CD300LD: variants seen among roughly 807,000 people sequenced by gnomAD.
CD300LD encodes the protein CMRF35-like molecule 5.
In CD300LD, 18 loss-of-function variants were observed where a neutral mutation model predicts 20.3. The ratio of observed to expected loss-of-function variants is 0.89; its 90% confidence interval spans 0.61 to 1.32. The LOEUF is 1.32. CD300LD is among the 40% of genes most tolerant of loss of function. The pLI, the probability that CD300LD is intolerant of heterozygous loss-of-function variation, is 0.00. For synonymous variants in CD300LD, 104 were observed against 90.1 expected, an observed-to-expected ratio of 1.15 and a Z score of -0.87; for missense variants, 195 against 226.6, an observed-to-expected ratio of 0.86 and a Z score of 0.90.
chr17:74,580,002 TC>T lies in CD300LD; in HGVS notation c.584del (p.Ter195=). ...CATCATCGGGCTGACTCCTCCTCCTTCAAGACCTTCTTTGTGGTCTGTTTAC... is the reference window on the plus strand; with the variant it reads ...CATCATCGGGCTGACTCCTCCTCCTTAAGACCTTCTTTGTGGTCTGTTTAC... ...LWVNRPQRRS[*>X] On this transcript the variant is annotated frameshift_variant and stop_lost, in exon 4 of 4. Coordinates refer to ENST00000375352, the MANE Select transcript of CD300LD (RefSeq NM_001115152.2). LOFTEE classifies it high-confidence loss of function. The T allele has an allele frequency of 6.2e-7, 1 of 1,605,478 alleles. No individual in the cohort carries two copies.
rs746228815 is a variant in CD300LD at position 74,592,061 on chromosome 17, G to T, written c.40+102C>A. 5.6e-6 allele frequency: 9 copies of T among 1,608,780 alleles called. No individual in the cohort carries two copies. The African/African-American group carries it at 8.0e-5, about 14-fold the overall frequency. ...TATGGGCATGGATGGATGAATTGGCGCTGTCATTTTCCCTGACATGTCTCC... is the reference window on the plus strand; with the variant it reads ...TATGGGCATGGATGGATGAATTGGCTCTGTCATTTTCCCTGACATGTCTCC... On this transcript the variant is annotated intron_variant, in intron 1 of 3. Coordinates refer to ENST00000375352, the MANE Select transcript of CD300LD (RefSeq NM_001115152.2).
intron 1 of CD300LD, among the ~76,000 whole-genome samples, chr17:74,591,809 C>T (rs1327169753): frequency 1.3e-5 from 1 of 78,444 alleles, no homozygotes. Context: ...CAGAGCGAGA[C>T]ACCAGCTCAA....
chr17:74,589,870 G>A (rs1032902899), intron 1 of CD300LD, among the ~76,000 whole-genome samples: 1 of 152,208 alleles, frequency 6.6e-6, no homozygotes, highest in African/African-American at 2.4e-5. Context: ...AATTCCTGTG[G>A]CAGGAGAGAG....
At chr17:74,586,347 G>A (rs948131756) in intron 2 of CD300LD, among the ~76,000 whole-genome samples, 11 of 152,030 alleles carry the variant, frequency 7.2e-5, no homozygotes, top group Non-Finnish European at 1.0e-4. Context: ...TGGAAAAATC[G>A]GACACTTCAA....
At chr17:74,578,717 T>C (rs1416292018), downstream of CD300LD, among the ~76,000 whole-genome samples, 1 of 152,130 alleles carries the variant, frequency 6.6e-6, no homozygotes, top group African/African-American at 2.4e-5. Context: ...CTCACCTGGG[T>C]ACAGAGATTG....
chr17:74,591,851 G>A (rs942219020), intron 1 of CD300LD: 32 of 342,446 alleles, frequency 9.3e-5, no homozygotes, highest in Admixed American at 3.7e-4. Context: ...CTTCAAGAAT[G>A]GACTCACTCA....
intron 3 of CD300LD, among the ~76,000 whole-genome samples, chr17:74,581,234 G>A (rs147820714): frequency 1.5e-4 from 23 of 151,864 alleles, no homozygotes; most frequent in Middle Eastern, 3.4e-3. Context: ...CTCTGCAGAT[G>A]CATTCTCAGA....
chr17:74,591,291 A>ATAC (rs1233242242), intron 1 of CD300LD, among the ~76,000 whole-genome samples: 1 of 148,796 alleles, frequency 6.7e-6, no homozygotes. Context: ...AATAATAATA[A>ATAC]TCTATTTTAA....
downstream of CD300LD, among the ~76,000 whole-genome samples, chr17:74,578,843 G>C (rs1056294584): frequency 6.6e-6 from 1 of 152,092 alleles, no homozygotes; most frequent in African/African-American, 2.4e-5. Flanking sequence ...TCAGTCATTA[G>C]AGTCCAAGAC....
At chr17:74,588,142 A>G (rs750797188) in intron 2 of CD300LD, among the ~76,000 whole-genome samples, 3 of 152,206 alleles carry the variant, frequency 2.0e-5, no homozygotes, top group Non-Finnish European at 4.4e-5. Flanking sequence ...AGGTGGCTCC[A>G]GGCACCTCGT....
At chr17:74,580,139 G>C (rs1176029371) in intron 3 of CD300LD, 26 bp from the exon 4 acceptor site, 1 of 1,493,160 alleles carries the variant, frequency 6.7e-7, no homozygotes, top group African/African-American at 1.4e-5. Context: ...GACAGGAAAT[G>C]AGCTGCCTCC....
chr17:74,592,107 C>G (rs2143305292), intron 1 of CD300LD, 56 bp downstream of exon 1: 1 of 1,614,118 alleles, frequency 6.2e-7, no homozygotes, highest in African/African-American at 1.3e-5. Context: ...CAGAGCGTCT[C>G]TGTCTCCAAG....
chr17:74,581,040 A>G (rs1173565161), intron 3 of CD300LD, among the ~76,000 whole-genome samples: 1 of 152,014 alleles, frequency 6.6e-6, no homozygotes, highest in African/African-American at 2.4e-5. Context: ...ACGGGTCAAA[A>G]TGCCCCCAAA....
chr17:74,583,092 C>A (rs532768819), intron 2 of CD300LD, among the ~76,000 whole-genome samples: 3 of 152,112 alleles, frequency 2.0e-5, no homozygotes, highest in Non-Finnish European at 4.4e-5. Flanking sequence ...CCGGTAACAC[C>A]ACCACCATGA....
chr17:74,588,961 A>G (rs774577673), intron 1 of CD300LD, 112 bp from the exon 2 acceptor site: 5 of 710,678 alleles, frequency 7.0e-6, no homozygotes, highest in Non-Finnish European at 1.2e-5. Flanking sequence ...TCAAGGAAGC[A>G]ATACATTTTC....
chr17:74,581,755 C>T (rs1197135791), intron 3 of CD300LD, among the ~76,000 whole-genome samples: 3 of 152,296 alleles, frequency 2.0e-5, no homozygotes, highest in African/African-American at 7.2e-5. Flanking sequence ...TGTTCAGGCC[C>T]CTCTCCTGCC....
chr17:74,580,912 A>AG (rs1233154505), intron 3 of CD300LD, among the ~76,000 whole-genome samples: 2 of 151,930 alleles, frequency 1.3e-5, no homozygotes, highest in East Asian at 3.9e-4. Context: ...AAAAAAAAAA[A>AG]AAAAAAGACA....
rs1489990419 is a variant in CD300LD, at chr17:74,582,259, G to A, written c.432C>T (p.Phe144=). 1 of 1,613,908 alleles carries A rather than the reference G, an allele frequency of 6.2e-7. No homozygotes were observed. ...EWTTTTASLA[F]TAAATQKTSS... ...TGGTCTTCTGGGTGGCTGCAGCTGTGAAAGCCAGGCTTGCTGTTGTGGTTG... is the reference window on the plus strand; with the variant it reads ...TGGTCTTCTGGGTGGCTGCAGCTGTAAAAGCCAGGCTTGCTGTTGTGGTTG... The change falls in exon 3 of 4, where the codon TTC becomes TTT. Residue 144 remains phenylalanine, a synonymous_variant. Transcript: ENST00000375352.
chr17:74,591,881 A>T, intron 1 of CD300LD: 2 of 538,456 alleles, frequency 3.7e-6, no homozygotes, highest in Non-Finnish European at 5.8e-6. Flanking sequence ...TCCTTCATTG[A>T]TATCTGTTCA....
Sources: gnomAD v4.1 joint callset for allele counts (sites outside exome capture counted in the v4.1 genomes callset) on GRCh38, gnomAD v4.1.1 for gene constraint, MANE v1.5 for transcripts, NCBI Gene and HGNC (gene_info 2026-07-23, HGNC 2026-07-21) for gene names.